SPOCK1: variants seen among roughly 807,000 people sequenced by gnomAD.
SPOCK1 encodes the protein testican-1.
Under a neutral mutation model 55.3 loss-of-function variants are expected in SPOCK1, and 23 were observed. The ratio of observed to expected loss-of-function variants is 0.42; its 90% CI spans 0.30 to 0.59. SPOCK1 has a LOEUF of 0.59. SPOCK1 is among the 20% of genes least tolerant of loss of function. The probability of loss-of-function intolerance (pLI) is 0.22; values close to 1 mark genes in which losing one functional copy is unlikely to be tolerated. For missense variants in SPOCK1, 499 were observed against 552.5 expected (o/e 0.90, Z 0.97); for synonymous variants, 226 against 221.0 (o/e 1.02, Z -0.20).
chr5:137,165,233 T>C (rs1187689042), intron 3 of SPOCK1, among the ~76,000 whole-genome samples: 1 of 152,166 alleles, frequency 6.6e-6, no homozygotes, highest in Non-Finnish European at 1.5e-5. Flanking sequence ...AGAAAGACTT[T>C]GTTTGTTTGG....
chr5:137,268,789 T>C (rs1050358353), intron 2 of SPOCK1, among the ~76,000 whole-genome samples: 2 of 152,222 alleles, frequency 1.3e-5, no homozygotes, highest in Non-Finnish European at 1.5e-5. Flanking sequence ...ATACAGAGGA[T>C]GGCATCACAT....
At chr5:137,447,783 A>G (rs558136237) in intron 2 of SPOCK1, among the ~76,000 whole-genome samples, 1 of 152,290 alleles carries the variant, frequency 6.6e-6, no homozygotes, top group Admixed American at 6.5e-5. Context: ...CCTGCAAGAA[A>G]ATCCCTAAAT....
intron 2 of SPOCK1, among the ~76,000 whole-genome samples, chr5:137,306,556 G>C (rs901628578): frequency 1.3e-5 from 2 of 152,066 alleles, no homozygotes; most frequent in Non-Finnish European, 2.9e-5. Context: ...AGGAAAGACT[G>C]AATTATCTTT....
intron 3 of SPOCK1, among the ~76,000 whole-genome samples, chr5:137,236,085 T>C (rs923904922): frequency 6.6e-6 from 1 of 152,248 alleles, no homozygotes; most frequent in Non-Finnish European, 1.5e-5. Context: ...CCAGAGCTCA[T>C]GCTTTGCCTT....
At chr5:137,378,234 G>A (rs914449195) in intron 2 of SPOCK1, among the ~76,000 whole-genome samples, 50 of 152,286 alleles carry the variant, frequency 3.3e-4, no homozygotes, top group Middle Eastern at 3.4e-3. Context: ...ATGAGCCACC[G>A]CACCTGGCCT....
intron 3 of SPOCK1, among the ~76,000 whole-genome samples, chr5:137,214,318 A>G (rs887063026): frequency 2.0e-5 from 3 of 152,156 alleles, no homozygotes; most frequent in African/African-American, 4.8e-5. Context: ...TTGAAACCCA[A>G]GTTTGTCTGA....
chr5:137,467,863 T>A (rs958525199), intron 2 of SPOCK1, among the ~76,000 whole-genome samples: 1 of 152,206 alleles, frequency 6.6e-6, no homozygotes, highest in African/African-American at 2.4e-5. Flanking sequence ...ACGTTTCTAA[T>A]TGGCCCTTGT....
chr5:137,140,628 T>G lies in SPOCK1; in HGVS notation c.299A>C (p.Gln100Pro), dbSNP rs1346078475. Residue 100 changes from glutamine to proline, a missense_variant, in exon 4 of 11, where the codon CAG becomes CCG. Transcript: ENST00000394945. The part of the protein sequence containing the change: ...KCSPHKVCVT[Q>P]DYQTALCVSR... ...GACACACAGGGCGGTCTGGTAGTCC[T>G]GGGTCACACACACTTTGTGAGGGCT... The G allele has an allele frequency of 6.2e-7, 1 of 1,614,010 alleles. No individual in the cohort carries two copies. Among genetic ancestry groups the G allele is most frequent in the East Asian group, 2.2e-5 (1 of 44,874 alleles).
intron 3 of SPOCK1, among the ~76,000 whole-genome samples, chr5:137,170,750 T>G (rs116790718): frequency 6.4e-4 from 98 of 152,308 alleles, no homozygotes; most frequent in Middle Eastern, 6.8e-3. Flanking sequence ...CCTCCAGAAC[T>G]ATGAGAAAAT....
intron 2 of SPOCK1, among the ~76,000 whole-genome samples, chr5:137,279,630 T>G (rs1757132428): frequency 6.6e-6 from 1 of 152,212 alleles, no homozygotes; most frequent in South Asian, 2.1e-4. Flanking sequence ...CTCTACTCAG[T>G]GTCTCCTGCA....
intron 7 of SPOCK1, 85 bp downstream of exon 7, chr5:136,992,399 G>T: frequency 1.0e-6 from 1 of 973,366 alleles, no homozygotes; most frequent in Non-Finnish European, 1.5e-6. Flanking sequence ...TAATGTAATG[G>T]GTGTTTTTCA....
At chr5:137,062,770 A>C (rs1008702246) in intron 6 of SPOCK1, among the ~76,000 whole-genome samples, 8 of 152,014 alleles carry the variant, frequency 5.3e-5, no homozygotes, top group African/African-American at 1.4e-4. Flanking sequence ...CCCAACGCAG[A>C]GATTTCAATT....
intron 2 of SPOCK1, among the ~76,000 whole-genome samples, chr5:137,380,981 G>C (rs952033113): frequency 6.6e-6 from 1 of 151,968 alleles, no homozygotes; most frequent in Non-Finnish European, 1.5e-5. Flanking sequence ...CTCCCACTAA[G>C]AGCCTGTAAA....
Position 136,980,648 on chromosome 5 carries a change from T to A in SPOCK1, c.992-1179A>T, listed in dbSNP as rs112542021. On this transcript the variant is annotated intron_variant, in intron 9 of 10. Coordinates refer to ENST00000394945, the MANE Select transcript of SPOCK1 (RefSeq NM_004598.4). The stretch of plus-strand genomic sequence containing the variant: ...CATGATTGTGAGGCCTCCCCAGCCA[T>A]GTGGAACTGTGAGTCCATTAAACCT... Among the ~76,000 whole-genome samples, 292 of 152,300 alleles carry A rather than the reference T, an allele frequency of 1.9e-3. 2 individuals carry two copies. Among genetic ancestry groups the A allele is most frequent in the African/African-American group, 6.6e-3 (276 of 41,554 alleles).
chr5:137,202,809 C>A (rs1755449849), intron 3 of SPOCK1, among the ~76,000 whole-genome samples: 1 of 152,204 alleles, frequency 6.6e-6, no homozygotes, highest in African/African-American at 2.4e-5. Flanking sequence ...TAGAAGAGTT[C>A]TTCTATAAAT....
In SPOCK1 at chr5:137,113,526, C is replaced by G. The variant is rs113214282; in HGVS notation, c.348-965G>C. ...CAGAAAGTACAAGTTCAAATCTCAG[C>G]TCTGTCATTCACTCACAGTGCGACC... On this transcript the variant is annotated intron_variant, in intron 4 of 10. Transcript: ENST00000394945. Among the ~76,000 whole-genome samples, 123 of 152,316 alleles carry G rather than the reference C, an allele frequency of 8.1e-4. 2 individuals carry two copies. The highest frequency in any genetic ancestry group is 2.9e-3 in the African/African-American group (119 of 41,564).
intron 2 of SPOCK1, among the ~76,000 whole-genome samples, chr5:137,317,698 T>G (rs1034259324): frequency 6.6e-6 from 1 of 152,136 alleles, no homozygotes; most frequent in Non-Finnish European, 1.5e-5. Flanking sequence ...AGTCTGGCAT[T>G]CACAGAAATA....
chr5:137,128,788 TC>T (rs1753823308), intron 4 of SPOCK1, among the ~76,000 whole-genome samples: 1 of 152,128 alleles, frequency 6.6e-6, no homozygotes, highest in African/African-American at 2.4e-5. Context: ...AGTTCAACCC[TC>T]CCCCAACCCC....
At chr5:137,361,448 T>G (rs1240548657) in intron 2 of SPOCK1, among the ~76,000 whole-genome samples, 1 of 152,054 alleles carries the variant, frequency 6.6e-6, no homozygotes, top group African/African-American at 2.4e-5. Flanking sequence ...GTTGAGTGAG[T>G]GGATGCATGG....
Sources: gnomAD v4.1 joint callset for allele counts (sites outside exome capture counted in the v4.1 genomes callset) on GRCh38, gnomAD v4.1.1 for gene constraint, MANE v1.5 for transcripts, NCBI Gene and HGNC (gene_info 2026-07-23, HGNC 2026-07-21) for gene names.